The following SETD5 variants were observed in gnomAD, a reference collection of about 807,000 sequenced individuals.
The protein encoded by SETD5 is SET domain containing 5.
Under a neutral mutation model 153.3 loss-of-function variants are expected in SETD5, and 44 were observed. The observed-to-expected ratio is 0.29, with a 90% CI of 0.23 to 0.37. The LOEUF (loss-of-function observed/expected upper bound fraction) is 0.37, where lower values mean the gene tolerates loss of function less well. Ranked by LOEUF, SETD5 falls within the 10% of genes least tolerant of loss-of-function variation. The probability of loss-of-function intolerance (pLI) is 1.00; values close to 1 mark genes in which losing one functional copy is unlikely to be tolerated. For missense variants in SETD5, 1,544 were observed against 1,768.0 expected, an observed-to-expected ratio of 0.87 and a Z score of 2.27; for synonymous variants, 716 against 645.2, an observed-to-expected ratio of 1.11 and a Z score of -1.66.
At chr3:9,446,792 G>A (rs2042070830) in intron 13 of SETD5, among the ~76,000 whole-genome samples, 1 of 152,004 alleles carries the variant, frequency 6.6e-6, no homozygotes. Context: ...CACCCATCCT[G>A]TTTTTCTTTC....
At chr3:9,398,115 C>A (rs1044404251) in intron 1 of SETD5, 138 bp downstream of exon 1, 1 of 152,312 alleles carries the variant, frequency 6.6e-6, no homozygotes, top group African/African-American at 2.4e-5. Flanking sequence ...AGGATGCTGC[C>A]ACTTCTCACC....
At chr3:9,432,439 C>A in intron 3 of SETD5, 1 of 284,506 alleles carries the variant, frequency 3.5e-6, no homozygotes. Context: ...TATCTTTAAG[C>A]AGGAAAAAAT....
At chr3:9,450,814 C>G (rs573574708) in intron 16 of SETD5, among the ~76,000 whole-genome samples, 3 of 152,110 alleles carry the variant, frequency 2.0e-5, no homozygotes, top group African/African-American at 4.8e-5. Context: ...TAAAAACTTA[C>G]CAGTATAGGA....
chr3:9,421,932 A>G (rs765110295), intron 1 of SETD5, among the ~76,000 whole-genome samples: 18 of 152,138 alleles, frequency 1.2e-4, no homozygotes, highest in Non-Finnish European at 2.5e-4. Flanking sequence ...CATGAATCCC[A>G]GTTTAAGGGT....
intron 3 of SETD5, chr3:9,430,196 CAG>C (rs2039798055): frequency 2.0e-6 from 2 of 1,009,828 alleles, no homozygotes; most frequent in Non-Finnish European, 2.4e-6. Context: ...TTCCTTAAAA[CAG>C]AATATTATTA....
At chr3:9,410,875 CTCTTTTTTTTTT>C (rs1202790432) in intron 1 of SETD5, among the ~76,000 whole-genome samples, 1 of 137,120 alleles carries the variant, frequency 7.3e-6, no homozygotes, top group African/African-American at 3.1e-5. Context: ...AGTAAAAATT[CTCTTTTTTTTTT>C]TCTTTTTTTT....
Position 9,475,672 on chromosome 3 carries a change from C to T in SETD5, c.3910C>T (p.His1304Tyr). The T allele has an allele frequency of 6.2e-7, 1 of 1,614,006 alleles. No individual in the cohort carries two copies. The highest frequency in any genetic ancestry group is 8.5e-7 in the Non-Finnish European group (1 of 1,179,890). The change falls in exon 23 of 23, where the codon CAC (histidine) becomes TAC (tyrosine). Residue 1304 changes from histidine to tyrosine, a missense_variant. By Grantham distance (83) the His-to-Tyr change is moderately conservative (BLOSUM62 2). This residue lies in a region of SETD5 where 302 missense variants were observed against 277.6 expected (regional missense o/e 1.09). Transcript: ENST00000402198. Reference sequence around the variant, plus strand: ...TTCCACGTCCTATTCCAGCCCCGCCCACCCTGTGTCCACAGACTCGTTGGC... The same window carrying T: ...TTCCACGTCCTATTCCAGCCCCGCCTACCCTGTGTCCACAGACTCGTTGGC... ...LSSTSYSSPA[H>Y]PVSTDSLAPF... is the part of the protein sequence containing the mutation.
chr3:9,403,154 T>C (rs1422445710), intron 1 of SETD5, among the ~76,000 whole-genome samples: 1 of 152,190 alleles, frequency 6.6e-6, no homozygotes, highest in Non-Finnish European at 1.5e-5. Context: ...AAATCATTTT[T>C]AGTTCCCACT....
Position 9,399,540 on chromosome 3 carries a change from A to G in SETD5, c.-177+1563A>G, listed in dbSNP as rs1331096640. ...ATTAGAGTCTTTAAGGTTTACTCAGACTGTCATTATGTGTAGAAAAATGAA... is the reference window on the plus strand; with the variant it reads ...ATTAGAGTCTTTAAGGTTTACTCAGGCTGTCATTATGTGTAGAAAAATGAA... On this transcript the variant is annotated intron_variant, in intron 1 of 22. Coordinates refer to ENST00000402198, the MANE Select transcript of SETD5 (RefSeq NM_001080517.3). Among the ~76,000 whole-genome samples, 3 of 152,196 alleles carry G rather than the reference A, an allele frequency of 2.0e-5. No homozygotes were observed. The East Asian group carries it at 5.8e-4, about 29-fold the overall frequency.
chr3:9,407,737 A>G (rs1048984708), intron 1 of SETD5, among the ~76,000 whole-genome samples: 5 of 152,180 alleles, frequency 3.3e-5, no homozygotes, highest in Non-Finnish European at 1.5e-5. Context: ...GCGGTGGCTC[A>G]TGCCTGTAAA....
chr3:9,420,272 T>G (rs1303545493), intron 1 of SETD5, among the ~76,000 whole-genome samples: 2 of 152,314 alleles, frequency 1.3e-5, no homozygotes, highest in South Asian at 2.1e-4. Flanking sequence ...ATTTATGATA[T>G]GTAGTCTTAT....
At chr3:9,418,328 GT>G (rs997468999) in intron 1 of SETD5, among the ~76,000 whole-genome samples, 10 of 152,180 alleles carry the variant, frequency 6.6e-5, no homozygotes, top group African/African-American at 1.9e-4. Context: ...GCTAGCATAA[GT>G]TTTTTTCATT....
At chr3:9,432,330 T>A in intron 3 of SETD5, 4 of 982,668 alleles carry the variant, frequency 4.1e-6, no homozygotes, top group Non-Finnish European at 4.8e-6. Flanking sequence ...ACTGGGTGAG[T>A]TGGATACATA....
Position 9,434,184 on chromosome 3 carries a change from AC to A in SETD5, c.178-149del, listed in dbSNP as rs1229623458. Reference sequence around the variant, plus strand: ...TGGTTGAAGCCAAAAAACAAAGGGTACTACTTTCTTCTTTCTTTCCATATGT... The same window carrying A: ...TGGTTGAAGCCAAAAAACAAAGGGTATACTTTCTTCTTTCTTTCCATATGT... On this transcript the variant is annotated intron_variant, in intron 4 of 22. Coordinates refer to ENST00000402198, the MANE Select transcript of SETD5 (RefSeq NM_001080517.3). This position sits in a 1 kb window ranked among gnomAD's most constrained non-coding sequence, Gnocchi z 5.6. 3 of 1,548,372 alleles carry A rather than the reference AC, an allele frequency of 1.9e-6. No homozygotes were observed. The highest frequency in any genetic ancestry group is 2.6e-6 in the Non-Finnish European group (3 of 1,144,074).
chr3:9,421,435 G>T (rs2038379397), intron 1 of SETD5, among the ~76,000 whole-genome samples: 1 of 151,992 alleles, frequency 6.6e-6, no homozygotes, highest in Non-Finnish European at 1.5e-5. Flanking sequence ...ACCGCACCTG[G>T]CCTCTAAGAG....
chr3:9,464,538 A>G lies in SETD5; in HGVS notation c.2590A>G (p.Lys864Glu), dbSNP rs2044336214. The change falls in exon 18 of 23, where the codon AAG becomes GAG. Residue 864 changes from lysine (K) to glutamate (E), a missense_variant. By Grantham distance (56) the Lys-to-Glu change is moderately conservative. Coordinates refer to ENST00000402198, the MANE Select transcript of SETD5 (RefSeq NM_001080517.3). ...ACCACCCCCTCCCAATTCAGGCTCA[A>G]AGAGTCCCCAGCTGGCCACACCTGG... is the stretch of plus-strand genomic sequence containing the variant. ...VTPPPPNSGS[K>E]SPQLATPGSS... 1.9e-6 allele frequency: 3 copies of G among 1,613,974 alleles called. No homozygotes were observed. The highest frequency in any genetic ancestry group is 1.7e-5 in the Admixed American group (1 of 60,024).
rs779079527 is a variant in SETD5 at position 9,473,497 on chromosome 3, T to A, written c.3457T>A (p.Ser1153Thr). ...CCCATCAGATTCCAGAGGCACTTCT[T>A]CATCTCACTGCAGACCTCAAGAGAA... The part of the protein sequence containing the change: ...VSPSDSRGTS[S>T]SHCRPQENIS... The change falls in exon 20 of 23, where the codon TCA (serine) becomes ACA (threonine). Residue 1153 changes from serine (S) to threonine (T), a missense_variant. Around this residue, in one of 9 missense-constraint regions of SETD5, gnomAD observed 93 missense variants for 93.4 expected, o/e 1.00. Coordinates refer to ENST00000402198, the MANE Select transcript of SETD5 (RefSeq NM_001080517.3). 2.5e-6 allele frequency: 4 copies of A among 1,613,794 alleles called. No homozygotes were observed. The highest frequency in any genetic ancestry group is 1.7e-6 in the Non-Finnish European group (2 of 1,179,814).
At chr3:9,452,674 T>TTTC in intron 16 of SETD5, among the ~76,000 whole-genome samples, 1 of 150,324 alleles carries the variant, frequency 6.7e-6, no homozygotes, top group African/African-American at 2.4e-5. Context: ...TTTTTTTTTT[T>TTTC]TTTTTTTTTT....
chr3:9,460,881 CAA>C (rs2043875381), intron 17 of SETD5, among the ~76,000 whole-genome samples: 1 of 151,776 alleles, frequency 6.6e-6, no homozygotes. Flanking sequence ...AACATGGAGA[CAA>C]AAGGAAAATA....
Sources: allele counts gnomAD v4.1 joint callset (sites outside exome capture counted in the v4.1 genomes callset), GRCh38; gene constraint gnomAD v4.1.1; regional missense constraint gnomAD v4.1.1; non-coding constraint Gnocchi (gnomAD v3.1); transcripts MANE v1.5; gene names NCBI Gene and HGNC (gene_info 2026-07-23, HGNC 2026-07-21).